Variants in HS3ST4 observed in about 807,000 individuals in gnomAD.
The protein encoded by HS3ST4 is heparan sulfate-glucosamine 3-sulfotransferase 4, also known as heparan sulfate glucosamine 3-O-sulfotransferase 4.
Under a neutral mutation model 29.2 loss-of-function variants are expected in HS3ST4, and 17 were observed. That is an observed-to-expected ratio of 0.58 (90% confidence interval 0.40 to 0.87). The LOEUF (loss-of-function observed/expected upper bound fraction) is 0.87. Among genes scored for constraint, HS3ST4 ranks in the 40% least tolerant of loss-of-function variants. The pLI is 0.00. For synonymous variants in HS3ST4, 314 were observed against 285.7 expected, an observed-to-expected ratio of 1.10 and a Z score of -1.00; for missense variants, 627 against 634.5, an observed-to-expected ratio of 0.99 and a Z score of 0.13.
intron 1 of HS3ST4, among the ~76,000 whole-genome samples, chr16:25,969,098 G>C (rs1371575752): frequency 6.6e-6 from 1 of 152,192 alleles, no homozygotes; most frequent in Non-Finnish European, 1.5e-5. Flanking sequence ...GATTACAGGC[G>C]TGAGCCACCA....
intron 1 of HS3ST4, among the ~76,000 whole-genome samples, chr16:26,011,322 G>T (rs1969308609): frequency 6.6e-6 from 1 of 152,186 alleles, no homozygotes; most frequent in South Asian, 2.1e-4. Flanking sequence ...CACTTCGGGT[G>T]GCCAAGGCAG....
chr16:26,129,434 G>A (rs939976147), intron 1 of HS3ST4, among the ~76,000 whole-genome samples: 5 of 152,248 alleles, frequency 3.3e-5, no homozygotes, highest in African/African-American at 9.6e-5. Flanking sequence ...ACCTCTTCTC[G>A]CTTTGGGTAA....
rs968968211 is a variant in HS3ST4, at chr16:26,049,603, CCAAG to C, written c.735-85989_735-85986del. On this transcript the variant is annotated intron_variant, in intron 1 of 1. Transcript: ENST00000331351. Reference sequence around the variant, plus strand: ...CCACGTGTGGATTTTCCCCCACACACCAAGCAAGCAAGCAAGCAAGCAATTCTGC... The same window carrying C: ...CCACGTGTGGATTTTCCCCCACACACCAAGCAAGCAAGCAAGCAATTCTGC... Among the ~76,000 whole-genome samples the C allele has an allele frequency of 2.5e-3, 385 of 151,882 alleles. 2 individuals carry two copies. The highest frequency in any genetic ancestry group is 8.4e-3 in the African/African-American group (348 of 41,408).
intron 1 of HS3ST4, among the ~76,000 whole-genome samples, chr16:25,708,509 ACTAT>A (rs1966391591): frequency 6.6e-6 from 1 of 152,224 alleles, no homozygotes; most frequent in Non-Finnish European, 1.5e-5. Flanking sequence ...CATTCTTATG[ACTAT>A]CTAAATATGG....
chr16:25,715,328 C>A (rs1447237232), intron 1 of HS3ST4, among the ~76,000 whole-genome samples: 93 of 87,760 alleles, frequency 1.1e-3, no homozygotes, highest in African/African-American at 2.2e-3. Context: ...GACTCCGTCT[C>A]AAAAAAAAAA....
At chr16:25,749,634 C>T (rs1966706841) in intron 1 of HS3ST4, among the ~76,000 whole-genome samples, 1 of 152,138 alleles carries the variant, frequency 6.6e-6, no homozygotes, top group Non-Finnish European at 1.5e-5. Context: ...TGAGTTTGGG[C>T]AAGCTGTTGT....
chr16:26,045,962 A>G (rs997763836), intron 1 of HS3ST4, among the ~76,000 whole-genome samples: 3 of 152,136 alleles, frequency 2.0e-5, no homozygotes, highest in Non-Finnish European at 4.4e-5. Flanking sequence ...TTTACATTAC[A>G]TCGAAATTAC....
intron 1 of HS3ST4, among the ~76,000 whole-genome samples, chr16:25,891,554 C>T (rs753120974): frequency 2.0e-5 from 3 of 151,994 alleles, no homozygotes; most frequent in South Asian, 4.2e-4. Flanking sequence ...GTCTCTGTGT[C>T]GAGACTGAGT....
intron 1 of HS3ST4, among the ~76,000 whole-genome samples, chr16:25,822,683 T>C (rs1967171902): frequency 6.6e-6 from 1 of 152,028 alleles, no homozygotes; most frequent in Non-Finnish European, 1.5e-5. Context: ...TGTTCCTTCA[T>C]ATTTGGAGGG....
intron 1 of HS3ST4, among the ~76,000 whole-genome samples, chr16:25,709,636 C>G (rs1290751745): frequency 6.6e-6 from 1 of 151,924 alleles, no homozygotes; most frequent in African/African-American, 2.4e-5. Context: ...CAAAATCTCC[C>G]TGTCTAGGTC....
chr16:25,940,015 T>A (rs1442350987), intron 1 of HS3ST4, among the ~76,000 whole-genome samples: 1 of 152,152 alleles, frequency 6.6e-6, no homozygotes, highest in East Asian at 1.9e-4. Context: ...TATTCACAAA[T>A]ATGTTGGTTC....
intron 1 of HS3ST4, among the ~76,000 whole-genome samples, chr16:26,027,491 T>C (rs1236898089): frequency 6.6e-6 from 1 of 152,250 alleles, no homozygotes; most frequent in Non-Finnish European, 1.5e-5. Flanking sequence ...CCACATTTAC[T>C]TCTCCTTCTT....
At chr16:25,786,489 C>G (rs1000506636) in intron 1 of HS3ST4, among the ~76,000 whole-genome samples, 1 of 152,200 alleles carries the variant, frequency 6.6e-6, no homozygotes, top group Admixed American at 6.5e-5. Context: ...ATCATTATCA[C>G]TATTGTTATT....
chr16:25,931,928 G>A lies in HS3ST4; in HGVS notation c.735-203684G>A, dbSNP rs931871195. Among the ~76,000 whole-genome samples, 5 of 152,246 alleles carry A rather than the reference G, an allele frequency of 3.3e-5. No individual in the cohort carries two copies. The South Asian group carries it at 8.3e-4, about 25-fold the overall frequency. Reference sequence around the variant, plus strand: ...TGCTTCCAAAAGGCAGCTTGTGGGGGAAACAATTCTATTGAAAGGGACATG... The same window carrying A: ...TGCTTCCAAAAGGCAGCTTGTGGGGAAAACAATTCTATTGAAAGGGACATG... On this transcript the variant is annotated intron_variant, in intron 1 of 1. Transcript: ENST00000331351.
intron 1 of HS3ST4, among the ~76,000 whole-genome samples, chr16:25,838,789 C>T (rs534470760): frequency 6.6e-6 from 1 of 152,236 alleles, no homozygotes; most frequent in East Asian, 1.9e-4. Flanking sequence ...AAAATAAGGC[C>T]AACACTCAGC....
At chr16:26,006,983 G>A (rs1240374863) in intron 1 of HS3ST4, among the ~76,000 whole-genome samples, 1 of 152,216 alleles carries the variant, frequency 6.6e-6, no homozygotes, top group Non-Finnish European at 1.5e-5. Flanking sequence ...TTAAAGGCAC[G>A]ATGAGGGTTG....
chr16:26,120,466 G>A (rs189393969), intron 1 of HS3ST4, among the ~76,000 whole-genome samples: 15 of 152,314 alleles, frequency 9.8e-5, no homozygotes, highest in African/African-American at 2.4e-4. Flanking sequence ...TAAAAAGGTC[G>A]TTCTTCTGTC....
intron 1 of HS3ST4, among the ~76,000 whole-genome samples, chr16:25,882,944 C>A (rs917117674): frequency 4.6e-5 from 7 of 152,182 alleles, no homozygotes; most frequent in African/African-American, 1.7e-4. Flanking sequence ...ACTGCTCTGA[C>A]CTCTGGGAGG....
intron 1 of HS3ST4, among the ~76,000 whole-genome samples, chr16:26,096,148 CG>C (rs1898923153): frequency 3.3e-5 from 5 of 152,104 alleles, no homozygotes. Context: ...GATTCACAGC[CG>C]AATACTACCA....
Sources: gnomAD v4.1 joint callset for allele counts (sites outside exome capture counted in the v4.1 genomes callset) on GRCh38, gnomAD v4.1.1 for gene constraint, MANE v1.5 for transcripts, NCBI Gene and HGNC (gene_info 2026-07-23, HGNC 2026-07-21) for gene names.